SDK2: variants seen among roughly 807,000 people sequenced by gnomAD.
SDK2 encodes sidekick cell adhesion molecule 2, also known as protein sidekick-2.
SDK2 carries 105 observed loss-of-function variants against 253.9 expected under a neutral mutation model. The observed-to-expected ratio is 0.41, with a 90% confidence interval of 0.35 to 0.49. The LOEUF is 0.49. Ranked by LOEUF, SDK2 falls within the 20% of genes least tolerant of loss-of-function variation. SDK2 has a pLI of 0.06. For missense variants in SDK2, 2,608 were observed against 3,003.0 expected (o/e 0.87, Z 3.07); for synonymous variants, 1,249 against 1,234.9 (o/e 1.01, Z -0.24).
chr17:73,552,158 CAG>C (rs1395357111), intron 1 of SDK2, among the ~76,000 whole-genome samples: 2 of 152,020 alleles, frequency 1.3e-5, no homozygotes, highest in African/African-American at 4.8e-5. Flanking sequence ...AGCCACAGCA[CAG>C]AGAGATTAAA....
At chr17:73,445,551 T>A (rs2063447228) in intron 5 of SDK2, among the ~76,000 whole-genome samples, 1 of 151,924 alleles carries the variant, frequency 6.6e-6, no homozygotes, top group South Asian at 2.1e-4. Context: ...TATAAAGAGG[T>A]GCAGAAAGCT....
chr17:73,475,862 C>T (rs771862540), intron 2 of SDK2, among the ~76,000 whole-genome samples: 19 of 152,144 alleles, frequency 1.2e-4, no homozygotes, highest in Admixed American at 9.8e-4. Flanking sequence ...TAAAAATCCC[C>T]GCACTTTGGG....
intron 1 of SDK2, among the ~76,000 whole-genome samples, chr17:73,625,393 G>T (rs990240267): frequency 3.3e-5 from 5 of 152,164 alleles, no homozygotes; most frequent in African/African-American, 1.2e-4. Context: ...CCCCATGAGA[G>T]GGGGCAGCAG....
chr17:73,406,671 G>A (rs2063082141), intron 18 of SDK2, among the ~76,000 whole-genome samples: 1 of 152,056 alleles, frequency 6.6e-6, no homozygotes, highest in African/African-American at 2.4e-5. Flanking sequence ...TTTGCTTTGT[G>A]GATTTGACTT....
rs748377118 is a variant in SDK2 at position 73,447,581 on chromosome 17, C to A, written c.613+34G>T. 1.7e-5 allele frequency: 26 copies of A among 1,551,158 alleles called. 1 individual carries two copies. The highest frequency in any genetic ancestry group is 5.9e-5 in the Admixed American group (3 of 50,972). ...ACCATTGCTAAGATTTAATGGCCCGCTCCAAGATCGGTCCCGGCCCTGTGC... is the reference window on the plus strand; with the variant it reads ...ACCATTGCTAAGATTTAATGGCCCGATCCAAGATCGGTCCCGGCCCTGTGC... On this transcript the variant is annotated intron_variant, in intron 5 of 44. Coordinates refer to ENST00000392650, the MANE Select transcript of SDK2 (RefSeq NM_001144952.2). This position sits in a 1 kb window ranked among gnomAD's most constrained non-coding sequence, Gnocchi z 4.0.
chr17:73,490,076 C>T lies in SDK2; in HGVS notation c.224+17362G>A, dbSNP rs182119655. Among the ~76,000 whole-genome samples, 1,238 of 152,254 alleles carry T rather than the reference C, an allele frequency of 8.1e-3. 10 individuals carry two copies. Among genetic ancestry groups the T allele is most frequent in the Non-Finnish European group, 0.014 (950 of 68,008 alleles). ...CACCACCACCCCGGGCCTTCCTCCA[C>T]GACTGAGCACCAGAGCTTGAGAACT... On this transcript the variant is annotated intron_variant, in intron 2 of 44. Transcript: ENST00000392650.
rs2063522316 is a variant in SDK2, at chr17:73,455,895, G to A, written c.479+11C>T. On this transcript the variant is annotated intron_variant, in intron 4 of 44. Transcript: ENST00000392650. The surrounding 1 kb of genome is among the most constrained non-coding windows in gnomAD (Gnocchi z 5.0). Reference sequence around the variant, plus strand: ...CCTCCCCTCCCCGTCCCCTCAGAGCGATGCACTCACATGCGGCTGCTGGGC... The same window carrying A: ...CCTCCCCTCCCCGTCCCCTCAGAGCAATGCACTCACATGCGGCTGCTGGGC... 3 of 1,532,982 alleles carry A rather than the reference G, an allele frequency of 2.0e-6. No individual in the cohort carries two copies. Among genetic ancestry groups the A allele is most frequent in the Non-Finnish European group, 2.6e-6 (3 of 1,142,010 alleles). 95.0% of individuals were successfully genotyped at this position (1,532,982 alleles called of 1,614,324 possible). A position where few individuals can be genotyped will look rare whatever the true frequency, so the allele number is the denominator to read the frequency against.
At chr17:73,634,114 A>T (rs75134141) in intron 1 of SDK2, among the ~76,000 whole-genome samples, 1 of 152,200 alleles carries the variant, frequency 6.6e-6, no homozygotes, top group East Asian at 1.9e-4. Flanking sequence ...CCCTATGGAC[A>T]TCAAGAGGGG....
chr17:73,375,728 C>T (rs1415121683), intron 36 of SDK2, among the ~76,000 whole-genome samples: 1 of 151,632 alleles, frequency 6.6e-6, no homozygotes, highest in African/African-American at 2.4e-5. Context: ...TGGTGGCAGG[C>T]ACCTGTAATC....
At chr17:73,403,286 T>C (rs1295581457) in intron 18 of SDK2, among the ~76,000 whole-genome samples, 1 of 152,174 alleles carries the variant, frequency 6.6e-6, no homozygotes, top group Non-Finnish European at 1.5e-5. Context: ...TGTGGGTAAC[T>C]ATTATCCTCT....
chr17:73,379,649 C>A lies in SDK2; in HGVS notation c.4763-100G>T, dbSNP rs550907104. 4.2e-6 allele frequency: 3 copies of A among 707,776 alleles called. No homozygotes were observed. Among genetic ancestry groups the A allele is most frequent in the Non-Finnish European group, 4.8e-6 (2 of 417,398 alleles). The allele number at this position is 707,776 out of a possible 1,614,324, so 43.8% of individuals were successfully genotyped here. ...GGAGGCTGCAGGGGGAGGAATGAGG[C>A]ACCCCCGCCATTCTAGCCCCCTCTG... On this transcript the variant is annotated intron_variant, in intron 34 of 44. Transcript: ENST00000392650. This position sits in a 1 kb window ranked among gnomAD's most constrained non-coding sequence, Gnocchi z 4.5.
intron 36 of SDK2, 100 bp from the exon 37 acceptor site, chr17:73,368,693 G>A: frequency 1.9e-6 from 2 of 1,047,580 alleles, no homozygotes; most frequent in South Asian, 3.6e-5. Flanking sequence ...TCATTGCTGT[G>A]AGTCACCTGG....
chr17:73,379,504 T>C lies in SDK2; in HGVS notation c.4808A>G (p.Asn1603Ser). ...RRYEIRMSVYNAVGEGPSSPP... is the reference protein window; with the variant it reads ...RRYEIRMSVYSAVGEGPSSPP... ...GCTGGAGGGCCCCTCACCCACAGCG[T>C]TGTACACGCTCATCCGTATCTCGTA... Residue 1603 changes from asparagine (N) to serine (S), a missense_variant, in exon 35 of 45, where the codon AAC becomes AGC. Around this residue, in one of 2 missense-constraint regions of SDK2, gnomAD observed 1,103 missense variants for 1,143.9 expected, o/e 0.96. Coordinates refer to ENST00000392650, the MANE Select transcript of SDK2 (RefSeq NM_001144952.2). The surrounding 1 kb of genome is among the most constrained non-coding windows in gnomAD (Gnocchi z 4.5). 1.2e-6 allele frequency: 2 copies of C among 1,612,630 alleles called. No individual in the cohort carries two copies. Among genetic ancestry groups the C allele is most frequent in the Non-Finnish European group, 1.7e-6 (2 of 1,179,370 alleles).
chr17:73,507,621 C>T (rs2063946633), intron 1 of SDK2, 24 bp from the exon 2 acceptor site: 1 of 1,547,116 alleles, frequency 6.5e-7, no homozygotes, highest in Non-Finnish European at 8.7e-7. Context: ...GAGACAAAGC[C>T]ACCAGTGATC....
At chr17:73,469,459 C>T (rs560739503) in intron 3 of SDK2, among the ~76,000 whole-genome samples, 1 of 152,340 alleles carries the variant, frequency 6.6e-6, no homozygotes, top group East Asian at 1.9e-4. Context: ...CTTCTCATGG[C>T]CTGGAAGTGC....
intron 12 of SDK2, among the ~76,000 whole-genome samples, chr17:73,424,746 G>A (rs1373656034): frequency 6.6e-6 from 1 of 152,230 alleles, no homozygotes; most frequent in Non-Finnish European, 1.5e-5. Flanking sequence ...AGGCGAGGTT[G>A]GCCTTGGTTC....
intron 1 of SDK2, among the ~76,000 whole-genome samples, chr17:73,537,334 T>C (rs1042973210): frequency 1.3e-5 from 2 of 152,152 alleles, no homozygotes; most frequent in African/African-American, 4.8e-5. Context: ...ATTTCCAATC[T>C]GCCGATTTCG....
chr17:73,586,540 C>A (rs1027685077), intron 1 of SDK2, among the ~76,000 whole-genome samples: 1 of 151,682 alleles, frequency 6.6e-6, no homozygotes, highest in African/African-American at 2.4e-5. Context: ...ATATGGAGCT[C>A]AAGTTGGTAT....
intron 1 of SDK2, among the ~76,000 whole-genome samples, chr17:73,512,840 A>G (rs923577352): frequency 1.3e-5 from 2 of 152,214 alleles, no homozygotes; most frequent in South Asian, 2.1e-4. Context: ...TAGAATTTCA[A>G]ATCAGTGGGT....
Sources: gnomAD v4.1 joint callset for allele counts (sites outside exome capture counted in the v4.1 genomes callset) on GRCh38, gnomAD v4.1.1 for gene constraint, gnomAD v4.1.1 regional missense constraint, Gnocchi (gnomAD v3.1) non-coding constraint, MANE v1.5 for transcripts, NCBI Gene and HGNC (gene_info 2026-07-23, HGNC 2026-07-21) for gene names.